Variants in RPN2 observed in about 807,000 individuals in gnomAD.
RPN2 encodes ribophorin II.
Under a neutral mutation model 71.4 loss-of-function variants are expected in RPN2, and 29 were observed. The ratio of observed to expected loss-of-function variants is 0.41; its 90% confidence interval spans 0.30 to 0.55. The LOEUF is 0.55. Ranked by LOEUF, RPN2 falls within the 20% of genes least tolerant of loss-of-function variation. The pLI is 0.35. For synonymous variants in RPN2, 308 were observed against 305.0 expected, an observed-to-expected ratio of 1.01 and a Z score of -0.10; for missense variants, 726 against 774.1, an observed-to-expected ratio of 0.94 and a Z score of 0.74.
In RPN2 at chr20:37,181,209, C is replaced by T. The variant is rs545298245; in HGVS notation, c.13+1840C>T. On this transcript the variant is annotated intron_variant, in intron 1 of 16. Coordinates refer to ENST00000237530, the MANE Select transcript of RPN2 (RefSeq NM_002951.5). ...GCGCCACTGCACTCCAGCCTGGCAA[C>T]AGAGCGAGACTCTGTCTAAAAAAAA... Among the ~76,000 whole-genome samples, 10 of 150,310 alleles carry T rather than the reference C, an allele frequency of 6.7e-5. No individual in the cohort carries two copies. The East Asian group carries it at 9.9e-4, about 15-fold the overall frequency.
intron 15 of RPN2, among the ~76,000 whole-genome samples, chr20:37,234,678 G>T (rs868737925): frequency 8.2e-6 from 1 of 122,656 alleles, no homozygotes. Flanking sequence ...TTAATTTTTT[G>T]TTCGTTGTTT....
intron 15 of RPN2, 105 bp from the exon 16 acceptor site, chr20:37,236,475 G>T: frequency 8.2e-7 from 1 of 1,217,714 alleles, no homozygotes; most frequent in Non-Finnish European, 1.2e-6. Flanking sequence ...TGGTATAGGA[G>T]TACAGACCTT....
chr20:37,229,967 T>C lies in RPN2; in HGVS notation c.1495-6T>C, dbSNP rs1341466513. The C allele has an allele frequency of 3.1e-6, 5 of 1,612,230 alleles. No individual in the cohort carries two copies. Among genetic ancestry groups the C allele is most frequent in the Non-Finnish European group, 4.2e-6 (5 of 1,178,384 alleles). ...GTGCTTTTACAGACTGTCCTTATTT[T>C]TCTAGGCTGATGTGGTCATCAAGTT... On this transcript the variant is annotated splice_polypyrimidine_tract_variant and splice_region_variant and intron_variant, in intron 12 of 16. Coordinates refer to ENST00000237530, the MANE Select transcript of RPN2 (RefSeq NM_002951.5).
intron 13 of RPN2, 132 bp downstream of exon 13, chr20:37,230,191 A>G (rs2068201309): frequency 2.5e-6 from 2 of 787,772 alleles, no homozygotes; most frequent in Non-Finnish European, 2.2e-6. Flanking sequence ...TGGATTAGGC[A>G]GGGTAAATGG....
At chr20:37,223,445 T>A (rs2068006117) in intron 9 of RPN2, among the ~76,000 whole-genome samples, 1 of 152,192 alleles carries the variant, frequency 6.6e-6, no homozygotes, top group African/African-American at 2.4e-5. Flanking sequence ...TACAGAATTG[T>A]GAGGATTAAA....
intron 2 of RPN2, among the ~76,000 whole-genome samples, chr20:37,196,169 C>T (rs1245332111): frequency 2.6e-5 from 4 of 151,890 alleles, no homozygotes; most frequent in African/African-American, 7.2e-5. Context: ...AAGGGATTCT[C>T]CTGCTTCAGC....
In RPN2 at chr20:37,230,099, A is replaced by G. The variant is rs540028757; in HGVS notation, c.1581+40A>G. ...GCCTATCCACTAAACGTGGGAGAAG[A>G]GAGGGCAACAAAGCCCTGGACAGTG... On this transcript the variant is annotated intron_variant, in intron 13 of 16. Transcript: ENST00000237530. 5.1e-4 allele frequency: 753 copies of G among 1,473,064 alleles called. 6 individuals carry two copies. In the South Asian group the frequency reaches 8.1e-3, roughly 16 times the overall value. 91.2% of individuals were successfully genotyped at this position (1,473,064 alleles called of 1,614,324 possible).
chr20:37,237,092 T>C (rs746427068), intron 16 of RPN2, among the ~76,000 whole-genome samples: 10 of 151,376 alleles, frequency 6.6e-5, no homozygotes, highest in Non-Finnish European at 1.5e-4. Context: ...GAGCTGCTCC[T>C]CTGTAACCCT....
intron 9 of RPN2, among the ~76,000 whole-genome samples, chr20:37,214,596 C>T (rs2067760704): frequency 6.6e-6 from 1 of 152,170 alleles, no homozygotes; most frequent in African/African-American, 2.4e-5. Context: ...ATGACCTTGA[C>T]ACTTGAAGAG....
At position 37,194,032 on chromosome 20, in the gene RPN2, A is replaced by G. The variant is rs193027309; in HGVS notation, c.208-4365A>G. On this transcript the variant is annotated intron_variant, in intron 2 of 16. Coordinates refer to ENST00000237530, the MANE Select transcript of RPN2 (RefSeq NM_002951.5). The stretch of plus-strand genomic sequence containing the variant: ...GGGTGCGGTGGCATCCCAGAAGGCT[A>G]CGGGCGCGCATGTTTCCCAGTGAGG... 1.0e-3 allele frequency among the ~76,000 whole-genome samples: 153 copies of G among 152,246 alleles called. 2 individuals are homozygous for G. Among genetic ancestry groups the G allele is most frequent in the Middle Eastern group, 6.8e-3 (2 of 294 alleles).
rs781285108 is a variant in RPN2 at position 37,238,485 on chromosome 20, G to A, written c.1883+1776G>A. The A allele has an allele frequency of 2.0e-6, 3 of 1,524,786 alleles. No homozygotes were observed. The East Asian group carries it at 6.9e-5, about 35-fold the overall frequency. 94.5% of individuals were successfully genotyped at this position (1,524,786 alleles called of 1,614,324 possible). On this transcript the variant is annotated intron_variant, in intron 16 of 16. Transcript: ENST00000237530. ...AGGGCGGACTCATCCCAGAAGCAGG[G>A]TCCCTTCCCCGTCTTGCCCGCCTCA...
At chr20:37,224,786 G>A (rs999620086) in intron 10 of RPN2, among the ~76,000 whole-genome samples, 2 of 152,154 alleles carry the variant, frequency 1.3e-5, no homozygotes, top group Non-Finnish European at 2.9e-5. Context: ...GAACCATCAA[G>A]GCTCTTTGAA....
chr20:37,232,085 A>C (rs183826104), intron 13 of RPN2, among the ~76,000 whole-genome samples: 127 of 152,318 alleles, frequency 8.3e-4, no homozygotes, highest in African/African-American at 2.8e-3. Context: ...GCTGGGGTTA[A>C]TGTAGTCTCT....
At chr20:37,181,848 C>A (rs1304396607) in intron 1 of RPN2, among the ~76,000 whole-genome samples, 2 of 152,190 alleles carry the variant, frequency 1.3e-5, no homozygotes, top group African/African-American at 4.8e-5. Context: ...TGCAGCCCTT[C>A]CCAAATATCT....
Position 37,213,789 on chromosome 20 carries a change from T to C in RPN2, c.1016T>C (p.Val339Ala). 3 of 1,614,138 alleles carry C rather than the reference T, an allele frequency of 1.9e-6. No homozygotes were observed. The highest frequency in any genetic ancestry group is 2.5e-6 in the Non-Finnish European group (3 of 1,179,954). Residue 339 changes from valine (V) to alanine (A), a missense_variant, in exon 9 of 17, where the codon GTC becomes GCC. Val to Ala is a moderately conservative substitution (Grantham distance 64). Coordinates refer to ENST00000237530, the MANE Select transcript of RPN2 (RefSeq NM_002951.5). ...GDVFELNFMN[V>A]KFSSGYYDFL... ...GTTTTTGAACTAAATTTCATGAACG[T>C]CAAATTTTCCAGTGGTTATTATGAC...
intron 4 of RPN2, chr20:37,200,557 T>C: frequency 2.0e-6 from 1 of 511,596 alleles, no homozygotes; most frequent in Non-Finnish European, 4.0e-6. Flanking sequence ...TTTTGTTTGT[T>C]TTTTGTTTTT....
intron 11 of RPN2, among the ~76,000 whole-genome samples, chr20:37,226,898 G>A (rs1445283788): frequency 6.6e-6 from 1 of 152,202 alleles, no homozygotes; most frequent in Non-Finnish European, 1.5e-5. Flanking sequence ...AGGAATGCGG[G>A]ACCTAGTTTG....
intron 2 of RPN2, among the ~76,000 whole-genome samples, chr20:37,188,286 A>T (rs2067059337): frequency 6.6e-6 from 1 of 151,850 alleles, no homozygotes; most frequent in African/African-American, 2.4e-5. Context: ...CCCCTGCCTC[A>T]GCCTCCTATA....
At chr20:37,224,539 A>G (rs1337181013) in intron 10 of RPN2, among the ~76,000 whole-genome samples, 1 of 152,214 alleles carries the variant, frequency 6.6e-6, no homozygotes, top group Non-Finnish European at 1.5e-5. Context: ...CTAAGAAGTC[A>G]TAGAACATTT....
Sources: allele counts gnomAD v4.1 joint callset (sites outside exome capture counted in the v4.1 genomes callset), GRCh38; gene constraint gnomAD v4.1.1; transcripts MANE v1.5; gene names NCBI Gene and HGNC (gene_info 2026-07-23, HGNC 2026-07-21).